The following AFF2 variants were observed in gnomAD, a reference collection of about 807,000 sequenced individuals.
AFF2 encodes the protein ALF transcription elongation factor 2, also known as AF4/FMR2 family member 2.
In AFF2, 14 loss-of-function variants were observed where a neutral mutation model predicts 76.9. The ratio of observed to expected loss-of-function variants is 0.18; its 90% CI spans 0.12 to 0.28. The LOEUF (loss-of-function observed/expected upper bound fraction) is 0.28. Ranked by LOEUF, AFF2 falls within the 10% of genes least tolerant of loss-of-function variation. The pLI, the probability that AFF2 is intolerant of heterozygous loss-of-function variation, is 1.00. For synonymous variants in AFF2, 398 were observed against 366.7 expected, an observed-to-expected ratio of 1.09 and a Z score of -0.98; for missense variants, 868 against 1,001.1, an observed-to-expected ratio of 0.87 and a Z score of 1.79.
chrX:148,548,732 G>A (rs1350587669), intron 1 of AFF2, among the ~76,000 whole-genome samples: 1 of 112,337 alleles, frequency 8.9e-6, no homozygotes, highest in Non-Finnish European at 1.9e-5. Flanking sequence ...ACCGCACCTG[G>A]TCTGCCTCCC....
chrX:148,648,604 A>G (rs868926426), intron 1 of AFF2, among the ~76,000 whole-genome samples: 3 of 107,079 alleles, frequency 2.8e-5, no homozygotes, highest in Non-Finnish European at 5.8e-5. Context: ...AAAAAATCCT[A>G]TGATAGAGAG....
chrX:148,805,956 C>T (rs782532791), intron 3 of AFF2, among the ~76,000 whole-genome samples: 22 of 111,997 alleles, frequency 2.0e-4, no homozygotes, highest in Non-Finnish European at 3.2e-4. Context: ...GAGGAGGGGG[C>T]GGAGAGGGGG....
intron 1 of AFF2, among the ~76,000 whole-genome samples, chrX:148,636,021 A>G (rs1160269302): frequency 9.1e-6 from 1 of 110,213 alleles, no homozygotes; most frequent in African/African-American, 3.3e-5. Context: ...GTGTGGATAT[A>G]TATATATATA....
chrX:148,854,143 A>T (rs1168401141), intron 7 of AFF2, among the ~76,000 whole-genome samples: 2 of 111,575 alleles, frequency 1.8e-5, no homozygotes, highest in African/African-American at 6.5e-5. Flanking sequence ...TGAAAATTAG[A>T]TCCTGACAGA....
At chrX:148,561,633 G>A (rs561193276) in intron 1 of AFF2, among the ~76,000 whole-genome samples, 3 of 110,933 alleles carry the variant, frequency 2.7e-5, no homozygotes, top group Non-Finnish European at 3.8e-5. Context: ...CCTGTACCTC[G>A]TCTCACTCCT....
At chrX:148,501,655 G>T in intron 1 of AFF2, among the ~76,000 whole-genome samples, 1 of 113,418 alleles carries the variant, frequency 8.8e-6, no homozygotes, top group Non-Finnish European at 1.9e-5. Context: ...TGCGCGGCGC[G>T]CACACCTTTC....
intron 1 of AFF2, among the ~76,000 whole-genome samples, chrX:148,549,522 A>G (rs1053045809): frequency 3.6e-5 from 4 of 110,953 alleles, no homozygotes; most frequent in Non-Finnish European, 7.6e-5. Context: ...ACCTTTCCTC[A>G]TAGGTTCATC....
intron 5 of AFF2, among the ~76,000 whole-genome samples, chrX:148,841,152 C>G (rs1482037100): frequency 8.9e-6 from 1 of 111,874 alleles, no homozygotes; most frequent in Non-Finnish European, 1.9e-5. Context: ...GCATGTTTTA[C>G]TCTCTGATCA....
intron 13 of AFF2, 38 bp downstream of exon 13, chrX:148,962,975 G>C: frequency 1.0e-6 from 1 of 995,790 alleles, no homozygotes. Flanking sequence ...TTGTCAGGTA[G>C]AAACAAGTTA....
chrX:148,890,777 G>A (rs2071213969), intron 8 of AFF2, among the ~76,000 whole-genome samples: 1 of 111,912 alleles, frequency 8.9e-6, no homozygotes, highest in African/African-American at 3.2e-5. Flanking sequence ...CTGTCCCCTA[G>A]AGAAAGGCTT....
At chrX:148,658,943 A>G (rs2054278954) in intron 2 of AFF2, among the ~76,000 whole-genome samples, 1 of 112,195 alleles carries the variant, frequency 8.9e-6, no homozygotes, top group South Asian at 3.7e-4. Flanking sequence ...TTTGATTAGC[A>G]CAAGACATGG....
At chrX:148,810,967 AGTC>A (rs2070195223) in intron 4 of AFF2, among the ~76,000 whole-genome samples, 1 of 111,563 alleles carries the variant, frequency 9.0e-6, no homozygotes, top group Admixed American at 9.5e-5. Flanking sequence ...CCAAAGGAAT[AGTC>A]AAGAGCCAAA....
intron 9 of AFF2, among the ~76,000 whole-genome samples, chrX:148,939,243 G>A (rs2071806701): frequency 9.0e-6 from 1 of 111,687 alleles, no homozygotes; most frequent in Non-Finnish European, 1.9e-5. Context: ...ACTACTAGAA[G>A]AGTAGATCAC....
chrX:148,905,499 C>T (rs1174146934), intron 9 of AFF2, among the ~76,000 whole-genome samples: 2 of 112,181 alleles, frequency 1.8e-5, no homozygotes, highest in Non-Finnish European at 3.8e-5. Context: ...CTGGCAAGCT[C>T]GGAGAATTAG....
intron 3 of AFF2, among the ~76,000 whole-genome samples, chrX:148,680,667 A>G (rs181711437): frequency 3.6e-5 from 4 of 112,110 alleles, no homozygotes; most frequent in East Asian, 2.8e-4. Context: ...TACATCTAGC[A>G]GGACAATTTT....
intron 1 of AFF2, among the ~76,000 whole-genome samples, chrX:148,592,550 A>G (rs1198515446): frequency 9.0e-6 from 1 of 110,898 alleles, no homozygotes; most frequent in African/African-American, 3.3e-5. Context: ...AATATTTTTT[A>G]TGGGGCACAT....
At chrX:148,954,802 T>G (rs1305814021) in intron 10 of AFF2, among the ~76,000 whole-genome samples, 1 of 111,762 alleles carries the variant, frequency 8.9e-6, no homozygotes, top group African/African-American at 3.3e-5. Flanking sequence ...CAGGTTGCTA[T>G]CACAACTACT....
intron 8 of AFF2, among the ~76,000 whole-genome samples, chrX:148,889,953 C>T (rs2071203976): frequency 8.9e-6 from 1 of 112,025 alleles, no homozygotes; most frequent in Middle Eastern, 4.6e-3. Flanking sequence ...CACCACTTTA[C>T]GTGATAATAA....
At chrX:148,538,505 A>G in intron 1 of AFF2, among the ~76,000 whole-genome samples, 1 of 112,843 alleles carries the variant, frequency 8.9e-6, no homozygotes, top group East Asian at 2.8e-4. Flanking sequence ...TTTTGTAGAA[A>G]TACAGATTAT....
Sources: gnomAD v4.1 joint callset for allele counts (sites outside exome capture counted in the v4.1 genomes callset) on GRCh38, gnomAD v4.1.1 for gene constraint, MANE v1.5 for transcripts, NCBI Gene and HGNC (gene_info 2026-07-23, HGNC 2026-07-21) for gene names.